LRFN5: variants seen among roughly 807,000 people sequenced by gnomAD.
The protein encoded by LRFN5 is leucine-rich repeat and fibronectin type-III domain-containing protein 5.
In LRFN5, 24 loss-of-function variants were observed where a neutral mutation model predicts 45.6. The observed-to-expected ratio is 0.53, with a 90% confidence interval of 0.38 to 0.74. The LOEUF is 0.74. Among genes scored for constraint, LRFN5 ranks in the 30% least tolerant of loss-of-function variants. The pLI is 0.00. For synonymous variants in LRFN5, 340 were observed against 313.8 expected, an observed-to-expected ratio of 1.08 and a Z score of -0.88; for missense variants, 776 against 861.5, an observed-to-expected ratio of 0.90 and a Z score of 1.24.
In LRFN5 at chr14:41,774,829, T is replaced by A. The variant is rs114916721; in HGVS notation, c.-21+7800T>A. On this transcript the variant is annotated intron_variant, in intron 2 of 5. Transcript: ENST00000298119. ...AGCACACCTATTGGGAATGCTGACA[T>A]GTAGGCGATATATAGGTTAGTTGCT... Among the ~76,000 whole-genome samples the A allele has an allele frequency of 5.3e-3, 813 of 152,260 alleles. 7 individuals carry two copies. Among genetic ancestry groups the A allele is most frequent in the African/African-American group, 0.018 (765 of 41,552 alleles).
chr14:41,630,709 C>G (rs1888503977), intron 1 of LRFN5, among the ~76,000 whole-genome samples: 1 of 152,068 alleles, frequency 6.6e-6, no homozygotes, highest in Non-Finnish European at 1.5e-5. Context: ...TAACACATAA[C>G]TGCTTCAATC....
chr14:41,785,803 C>T (rs1886698379), intron 2 of LRFN5, among the ~76,000 whole-genome samples: 1 of 152,144 alleles, frequency 6.6e-6, no homozygotes, highest in African/African-American at 2.4e-5. Context: ...GTATAAAAGG[C>T]ATGCAGCCTA....
intron 1 of LRFN5, among the ~76,000 whole-genome samples, chr14:41,754,481 G>A (rs1451467449): frequency 6.6e-6 from 1 of 151,846 alleles, no homozygotes; most frequent in Admixed American, 6.6e-5. Flanking sequence ...ACTTCTTCCT[G>A]GTTTAGTCTT....
At chr14:41,791,386 T>C (rs1886914383) in intron 2 of LRFN5, among the ~76,000 whole-genome samples, 1 of 151,982 alleles carries the variant, frequency 6.6e-6, no homozygotes, top group Non-Finnish European at 1.5e-5. Flanking sequence ...TCTACCTGTC[T>C]CCTCAGCATA....
chr14:41,744,579 A>C (rs901216735), intron 1 of LRFN5, among the ~76,000 whole-genome samples: 2 of 152,106 alleles, frequency 1.3e-5, no homozygotes, highest in African/African-American at 4.8e-5. Flanking sequence ...TCAGAGACAC[A>C]GATTGGTAAA....
chr14:41,734,355 C>A (rs1317328126), intron 1 of LRFN5, among the ~76,000 whole-genome samples: 5 of 38,806 alleles, frequency 1.3e-4, no homozygotes, highest in Non-Finnish European at 3.8e-4. Context: ...TTTAAATTTG[C>A]TGTAACTTAT....
At chr14:41,673,400 G>GC (rs1161139353) in intron 1 of LRFN5, among the ~76,000 whole-genome samples, 122 of 114,752 alleles carry the variant, frequency 1.1e-3, no homozygotes, top group South Asian at 2.7e-3. Context: ...GGGCTGACCC[G>GC]CCCCCCACCT....
At chr14:41,877,465 A>G (rs576709115) in intron 2 of LRFN5, among the ~76,000 whole-genome samples, 1 of 152,256 alleles carries the variant, frequency 6.6e-6, no homozygotes, top group South Asian at 2.1e-4. Context: ...CTCATCTATA[A>G]AATAAAGAAA....
intron 1 of LRFN5, among the ~76,000 whole-genome samples, chr14:41,723,672 G>GGA (rs999795374): frequency 5.3e-5 from 8 of 152,142 alleles, no homozygotes; most frequent in Middle Eastern, 6.8e-3. Context: ...TCGTTGCCCA[G>GGA]GAGAAACCAG....
At chr14:41,822,844 T>G (rs1377117571) in intron 2 of LRFN5, among the ~76,000 whole-genome samples, 1 of 108,418 alleles carries the variant, frequency 9.2e-6, no homozygotes, top group Non-Finnish European at 1.9e-5. Flanking sequence ...TGCATATATA[T>G]TTAGGGTTGT....
At chr14:41,890,899 T>C (rs1890757923) in intron 3 of LRFN5, among the ~76,000 whole-genome samples, 1 of 152,186 alleles carries the variant, frequency 6.6e-6, no homozygotes. Context: ...TTGTAAGTGC[T>C]AAATGGATTT....
intron 2 of LRFN5, among the ~76,000 whole-genome samples, chr14:41,845,407 G>T (rs1192635353): frequency 6.6e-6 from 1 of 152,008 alleles, no homozygotes; most frequent in Non-Finnish European, 1.5e-5. Flanking sequence ...CACATACTAT[G>T]TAAATGCTAT....
chr14:41,667,782 G>A (rs1880972360), intron 1 of LRFN5, among the ~76,000 whole-genome samples: 1 of 152,064 alleles, frequency 6.6e-6, no homozygotes, highest in Non-Finnish European at 1.5e-5. Flanking sequence ...ATTAAGATTG[G>A]ATCCTATTCT....
intron 2 of LRFN5, among the ~76,000 whole-genome samples, chr14:41,795,003 A>G (rs1425882926): frequency 7.5e-6 from 1 of 132,864 alleles, no homozygotes; most frequent in African/African-American, 2.6e-5. Context: ...GTATATTCTA[A>G]TTATGCATAC....
At chr14:41,723,049 C>G (rs1883792266) in intron 1 of LRFN5, among the ~76,000 whole-genome samples, 1 of 152,188 alleles carries the variant, frequency 6.6e-6, no homozygotes, top group Non-Finnish European at 1.5e-5. Flanking sequence ...GCCTCAACTC[C>G]TAATCCAGGA....
intron 3 of LRFN5, among the ~76,000 whole-genome samples, chr14:41,889,009 A>ATGTGTGTG (rs1422947356): frequency 7.8e-4 from 117 of 150,086 alleles, no homozygotes; most frequent in African/African-American, 2.3e-3. Flanking sequence ...ACACATATAT[A>ATGTGTGTG]TATGTGTGTG....
chr14:41,769,531 T>A (rs1321750655), intron 2 of LRFN5, among the ~76,000 whole-genome samples: 1 of 152,202 alleles, frequency 6.6e-6, no homozygotes, highest in Non-Finnish European at 1.5e-5. Context: ...TATTTACATA[T>A]GTGTGTGTAT....
At chr14:41,857,184 G>T (rs1039438223) in intron 2 of LRFN5, among the ~76,000 whole-genome samples, 1 of 152,070 alleles carries the variant, frequency 6.6e-6, no homozygotes, top group African/African-American at 2.4e-5. Context: ...TTAAGTGGAA[G>T]TTAATCTTCA....
chr14:41,795,443 T>G (rs966303860), intron 2 of LRFN5, among the ~76,000 whole-genome samples: 2 of 152,052 alleles, frequency 1.3e-5, no homozygotes, highest in African/African-American at 4.8e-5. Context: ...ACCCAAAGGA[T>G]TATAAATCAT....
Sources: allele counts gnomAD v4.1 joint callset (sites outside exome capture counted in the v4.1 genomes callset), GRCh38; gene constraint gnomAD v4.1.1; transcripts MANE v1.5; gene names NCBI Gene and HGNC (gene_info 2026-07-23, HGNC 2026-07-21).